The following ROBO1 variants were observed in gnomAD, a reference collection of about 807,000 sequenced individuals.
ROBO1 encodes the protein roundabout homolog 1.
Under a neutral mutation model 195.9 loss-of-function variants are expected in ROBO1, and 149 were observed. The observed-to-expected ratio is 0.76, with a 90% CI of 0.67 to 0.87. ROBO1 has a LOEUF of 0.87. Ranked by LOEUF, ROBO1 falls within the 40% of genes least tolerant of loss-of-function variation. ROBO1 has a pLI of 0.00. For synonymous variants in ROBO1, 816 were observed against 733.2 expected, an observed-to-expected ratio of 1.11 and a Z score of -1.82; for missense variants, 1,933 against 2,068.3, an observed-to-expected ratio of 0.93 and a Z score of 1.27.
intron 2 of ROBO1, among the ~76,000 whole-genome samples, chr3:79,488,705 T>C: frequency 6.6e-6 from 1 of 152,198 alleles, no homozygotes; most frequent in East Asian, 1.9e-4. Flanking sequence ...ATTAATATTC[T>C]TGGGTTGTGT....
chr3:79,500,704 G>A (rs1313145708), intron 2 of ROBO1, among the ~76,000 whole-genome samples: 4 of 152,184 alleles, frequency 2.6e-5, no homozygotes, highest in Non-Finnish European at 5.9e-5. Flanking sequence ...TATTAGCGAA[G>A]TACATGGTCA....
intron 3 of ROBO1, among the ~76,000 whole-genome samples, chr3:79,021,318 T>C (rs186160919): frequency 3.9e-5 from 6 of 152,290 alleles, no homozygotes; most frequent in Admixed American, 3.9e-4. Context: ...TACCTAGTAA[T>C]AGAAAACAAA....
intron 2 of ROBO1, among the ~76,000 whole-genome samples, chr3:79,348,051 A>T (rs917889091): frequency 4.6e-5 from 7 of 152,010 alleles, no homozygotes; most frequent in African/African-American, 1.7e-4. Flanking sequence ...TCTCTACCAA[A>T]AACACAAAAA....
At chr3:79,519,689 T>C (rs1941123258) in intron 2 of ROBO1, among the ~76,000 whole-genome samples, 1 of 148,470 alleles carries the variant, frequency 6.7e-6, no homozygotes, top group South Asian at 2.1e-4. Context: ...TAATATAATA[T>C]GTTGTCCCAG....
At position 78,809,368 on chromosome 3, in the gene ROBO1, A is replaced by T. The variant is rs1252913224; in HGVS notation, c.500-62468T>A. 3.9e-5 allele frequency among the ~76,000 whole-genome samples: 6 copies of T among 152,208 alleles called. No homozygotes were observed. The East Asian group carries it at 1.2e-3, about 29-fold the overall frequency. ...GATGCTGGAGAGGATGTGGAGAAAT[A>T]GGAACGCTTTTACACTGTTGGTGGG... On this transcript the variant is annotated intron_variant, in intron 4 of 30. Coordinates refer to ENST00000464233, the MANE Select transcript of ROBO1 (RefSeq NM_002941.4).
At chr3:78,801,319 T>G (rs1308297453) in intron 4 of ROBO1, among the ~76,000 whole-genome samples, 1 of 152,164 alleles carries the variant, frequency 6.6e-6, no homozygotes, top group Non-Finnish European at 1.5e-5. Flanking sequence ...TTTGAAAGAT[T>G]AAAAATATAG....
In ROBO1 at chr3:79,709,688, A is replaced by G. The variant is rs995834562; in HGVS notation, c.-51+58064T>C. On this transcript the variant is annotated intron_variant, in intron 1 of 30. Transcript: ENST00000464233. ...ATGAAAACGCTTTTGTTATGCTCTC[A>G]ATGTTTGTGTCCCTCCGCCTGCCCC... Among the ~76,000 whole-genome samples, 4 of 150,912 alleles carry G rather than the reference A, an allele frequency of 2.7e-5. No individual in the cohort carries two copies. The East Asian group carries it at 7.7e-4, about 29-fold the overall frequency.
At chr3:79,587,391 T>G (rs903066977) in intron 2 of ROBO1, among the ~76,000 whole-genome samples, 2 of 151,862 alleles carry the variant, frequency 1.3e-5, no homozygotes, top group African/African-American at 4.8e-5. Flanking sequence ...ATTGCTCTTT[T>G]CTTTTGTACC....
Position 78,631,314 on chromosome 3 carries a change from G to A in ROBO1, c.3482-9C>T, listed in dbSNP as rs1362147162. On this transcript the variant is annotated splice_polypyrimidine_tract_variant and intron_variant, in intron 24 of 30. Coordinates refer to ENST00000464233, the MANE Select transcript of ROBO1 (RefSeq NM_002941.4). ...CTTGTGCCCCTGACTCCCTAGAAAG[G>A]AAATAAAATAGAAGCCATTGATCTC... 1.2e-6 allele frequency: 2 copies of A among 1,611,366 alleles called. No homozygotes were observed. Among genetic ancestry groups the A allele is most frequent in the Non-Finnish European group, 1.7e-6 (2 of 1,178,486 alleles).
intron 2 of ROBO1, among the ~76,000 whole-genome samples, chr3:79,308,488 C>T (rs1453765305): frequency 6.6e-6 from 1 of 152,100 alleles, no homozygotes; most frequent in Non-Finnish European, 1.5e-5. Context: ...TCAACAAATT[C>T]TCCTGGATAC....
intron 1 of ROBO1, among the ~76,000 whole-genome samples, chr3:79,716,840 G>T (rs187468864): frequency 2.0e-5 from 3 of 151,940 alleles, no homozygotes; most frequent in Non-Finnish European, 4.4e-5. Flanking sequence ...TTTTAAAAAT[G>T]ATTCGATGAC....
At chr3:78,828,264 T>C (rs149113594) in intron 4 of ROBO1, among the ~76,000 whole-genome samples, 1 of 141,928 alleles carries the variant, frequency 7.0e-6, no homozygotes, top group Admixed American at 7.0e-5. Flanking sequence ...TTTAGTTCCA[T>C]GTTACACATA....
chr3:79,569,126 G>GCGCGTGCACACGCGCACA (rs1553766450), intron 2 of ROBO1, among the ~76,000 whole-genome samples: 7 of 149,614 alleles, frequency 4.7e-5, no homozygotes, highest in African/African-American at 1.7e-4. Context: ...GTGCACACGC[G>GCGCGTGCACACGCGCACA]CACACACACA....
At position 79,665,038 on chromosome 3, in the gene ROBO1, T is replaced by C. The variant is rs139149161; in HGVS notation, c.-50-75077A>G. On this transcript the variant is annotated intron_variant, in intron 1 of 30. Coordinates refer to ENST00000464233, the MANE Select transcript of ROBO1 (RefSeq NM_002941.4). ...ACTTAAGCCACATAACGAGAAATGA[T>C]GCAGTTGAATATTTTACTCTTTAAT... is the stretch of plus-strand genomic sequence containing the variant. 6.8e-3 allele frequency among the ~76,000 whole-genome samples: 1,029 copies of C among 152,068 alleles called. 11 individuals carry two copies. The highest frequency in any genetic ancestry group is 0.022 in the African/African-American group (911 of 41,528).
intron 5 of ROBO1, among the ~76,000 whole-genome samples, chr3:78,739,518 A>G (rs186047959): frequency 9.2e-5 from 14 of 152,252 alleles, no homozygotes; most frequent in Admixed American, 8.5e-4. Context: ...TTCAACATAA[A>G]TCCTTCTTTT....
chr3:78,838,488 C>T (rs1480606665), intron 4 of ROBO1, among the ~76,000 whole-genome samples: 1 of 152,178 alleles, frequency 6.6e-6, no homozygotes, highest in Non-Finnish European at 1.5e-5. Flanking sequence ...AAGTTGAAGA[C>T]TGGGCATCTG....
chr3:79,197,672 C>T (rs2081664942), intron 2 of ROBO1, among the ~76,000 whole-genome samples: 1 of 152,196 alleles, frequency 6.6e-6, no homozygotes, highest in Non-Finnish European at 1.5e-5. Flanking sequence ...ACAAGTGTTC[C>T]TATTTCTCCA....
chr3:79,097,580 T>C (rs1209917146), intron 3 of ROBO1, among the ~76,000 whole-genome samples: 1 of 151,822 alleles, frequency 6.6e-6, no homozygotes, highest in Non-Finnish European at 1.5e-5. Flanking sequence ...ATTGGCTTTA[T>C]GTCAAGTCAG....
chr3:79,258,345 T>C (rs776707911), intron 2 of ROBO1, among the ~76,000 whole-genome samples: 1 of 152,202 alleles, frequency 6.6e-6, no homozygotes, highest in Non-Finnish European at 1.5e-5. Flanking sequence ...CAAATACACA[T>C]TTGCATTCTA....
Sources: allele counts gnomAD v4.1 joint callset (sites outside exome capture counted in the v4.1 genomes callset), GRCh38; gene constraint gnomAD v4.1.1; transcripts MANE v1.5; gene names NCBI Gene and HGNC (gene_info 2026-07-23, HGNC 2026-07-21).